DNER: variants seen among roughly 807,000 people sequenced by gnomAD.
DNER encodes the protein delta/notch like EGF repeat containing, also known as delta and Notch-like epidermal growth factor-related receptor.
A neutral mutation model predicts 78.2 loss-of-function variants in DNER; 33 were observed. That is an observed-to-expected ratio of 0.42 (90% CI 0.32 to 0.56). The LOEUF (loss-of-function observed/expected upper bound fraction) is 0.56, where lower values mean the gene tolerates loss of function less well. Among genes scored for constraint, DNER ranks in the 20% least tolerant of loss-of-function variants. DNER has a pLI of 0.11. For synonymous variants in DNER, 417 were observed against 384.8 expected, an observed-to-expected ratio of 1.08 and a Z score of -0.98; for missense variants, 918 against 975.3, an observed-to-expected ratio of 0.94 and a Z score of 0.78.
intron 10 of DNER, among the ~76,000 whole-genome samples, chr2:229,405,477 G>A (rs962345134): frequency 2.0e-5 from 3 of 152,102 alleles, no homozygotes; most frequent in Non-Finnish European, 4.4e-5. Flanking sequence ...TGTTTATAAT[G>A]GGGAAAAGTT....
At chr2:229,457,879 T>C (rs1694610287) in intron 7 of DNER, among the ~76,000 whole-genome samples, 1 of 151,382 alleles carries the variant, frequency 6.6e-6, no homozygotes, top group African/African-American at 2.4e-5. Flanking sequence ...GGCTTACACC[T>C]GTAATCCCAG....
At chr2:229,516,581 C>T (rs1442168067) in intron 5 of DNER, among the ~76,000 whole-genome samples, 1 of 152,062 alleles carries the variant, frequency 6.6e-6, no homozygotes, top group Admixed American at 6.5e-5. Context: ...TAAAGAATCT[C>T]AATTTTCCTC....
intron 10 of DNER, among the ~76,000 whole-genome samples, chr2:229,392,035 A>G (rs1197555478): frequency 6.6e-6 from 1 of 152,172 alleles, no homozygotes; most frequent in Non-Finnish European, 1.5e-5. Context: ...CAGAGTCCCC[A>G]CTAAAAGATA....
At chr2:229,374,789 T>A (rs927069877) in intron 11 of DNER, among the ~76,000 whole-genome samples, 14 of 149,760 alleles carry the variant, frequency 9.3e-5, no homozygotes, top group African/African-American at 1.2e-4. Flanking sequence ...GACTCACATT[T>A]AAAAAAAAAA....
At chr2:229,414,252 C>A (rs978474427) in intron 9 of DNER, among the ~76,000 whole-genome samples, 3 of 152,164 alleles carry the variant, frequency 2.0e-5, no homozygotes, top group Non-Finnish European at 4.4e-5. Flanking sequence ...ACCTAAAAGT[C>A]TTTATAAATA....
In DNER at chr2:229,709,487, G is replaced by A. The variant is rs1015339690; in HGVS notation, c.276+4661C>T. The stretch of plus-strand genomic sequence containing the variant: ...TGTGAGTTTGTGTGTGTCTGTGTGT[G>A]TGTGTGTGTTTGTGTGTAAAGTCCA... On this transcript the variant is annotated intron_variant, in intron 1 of 12. Coordinates refer to ENST00000341772, the MANE Select transcript of DNER (RefSeq NM_139072.4). Among the ~76,000 whole-genome samples the A allele has an allele frequency of 2.0e-5, 3 of 152,184 alleles. No homozygotes were observed. The South Asian group carries it at 6.2e-4, about 31-fold the overall frequency.
intron 1 of DNER, among the ~76,000 whole-genome samples, chr2:229,668,495 CT>C (rs1224693449): frequency 9.0e-6 from 1 of 111,214 alleles, no homozygotes; most frequent in African/African-American, 3.8e-5. Context: ...TATATATATA[CT>C]TACCTATATA....
At chr2:229,429,192 A>G (rs1413939821) in intron 8 of DNER, among the ~76,000 whole-genome samples, 2 of 152,204 alleles carry the variant, frequency 1.3e-5, no homozygotes, top group Non-Finnish European at 2.9e-5. Flanking sequence ...CTTGCTTCCC[A>G]AGTGAAATAC....
intron 1 of DNER, among the ~76,000 whole-genome samples, chr2:229,685,276 A>G (rs2154217242): frequency 8.7e-6 from 1 of 114,564 alleles, no homozygotes; most frequent in South Asian, 3.2e-4. Context: ...AAACTATGCA[A>G]ATGAATAAAT....
intron 10 of DNER, among the ~76,000 whole-genome samples, chr2:229,397,139 C>G (rs556835881): frequency 6.6e-6 from 1 of 151,788 alleles, no homozygotes; most frequent in Non-Finnish European, 1.5e-5. Flanking sequence ...TTTCCCTATC[C>G]CTCCCACCAA....
At chr2:229,566,136 A>G (rs1390472490) in intron 4 of DNER, among the ~76,000 whole-genome samples, 1 of 152,154 alleles carries the variant, frequency 6.6e-6, no homozygotes, top group Admixed American at 6.5e-5. Context: ...GACTTCATAA[A>G]CGTTAGGGAG....
chr2:229,631,996 A>G (rs1472793574), intron 1 of DNER, among the ~76,000 whole-genome samples: 1 of 152,242 alleles, frequency 6.6e-6, no homozygotes, highest in African/African-American at 2.4e-5. Context: ...TATTCCTGCC[A>G]GTATTTTTCC....
chr2:229,524,010 T>C (rs771335586), intron 5 of DNER, among the ~76,000 whole-genome samples: 1 of 152,240 alleles, frequency 6.6e-6, no homozygotes, highest in Non-Finnish European at 1.5e-5. Flanking sequence ...GCAGTTATCC[T>C]CATAGCTACC....
At chr2:229,507,236 T>C (rs1342188033) in intron 6 of DNER, among the ~76,000 whole-genome samples, 2 of 152,246 alleles carry the variant, frequency 1.3e-5, no homozygotes, top group African/African-American at 4.8e-5. Flanking sequence ...TGTAATCTTA[T>C]GGCACACCAC....
chr2:229,472,740 G>A (rs1262622266), intron 7 of DNER, among the ~76,000 whole-genome samples: 1 of 152,132 alleles, frequency 6.6e-6, no homozygotes, highest in African/African-American at 2.4e-5. Flanking sequence ...ATTCAATTAG[G>A]TGGATATTAG....
At chr2:229,663,214 T>C (rs900024873) in intron 1 of DNER, among the ~76,000 whole-genome samples, 2 of 152,158 alleles carry the variant, frequency 1.3e-5, no homozygotes, top group Admixed American at 6.5e-5. Context: ...ACCAAAAACA[T>C]GAAGTTCAGT....
At chr2:229,576,887 A>G (rs1697313181) in intron 4 of DNER, among the ~76,000 whole-genome samples, 1 of 152,220 alleles carries the variant, frequency 6.6e-6, no homozygotes, top group Non-Finnish European at 1.5e-5. Flanking sequence ...CACAGGGTTC[A>G]GAGGCAGGAA....
At chr2:229,397,524 A>G (rs1434024766) in intron 10 of DNER, among the ~76,000 whole-genome samples, 4 of 150,504 alleles carry the variant, frequency 2.7e-5, no homozygotes, top group Admixed American at 1.3e-4. Context: ...AGTGGAGAGC[A>G]TGGACTTCCA....
chr2:229,492,540 G>A (rs145511705), intron 6 of DNER, among the ~76,000 whole-genome samples: 79 of 152,266 alleles, frequency 5.2e-4, no homozygotes, highest in African/African-American at 1.8e-3. Flanking sequence ...CCTGCATTCC[G>A]GTTTCCCCCA....
Sources: gnomAD v4.1 joint callset for allele counts (sites outside exome capture counted in the v4.1 genomes callset) on GRCh38, gnomAD v4.1.1 for gene constraint, MANE v1.5 for transcripts, NCBI Gene and HGNC (gene_info 2026-07-23, HGNC 2026-07-21) for gene names.